KHDRBS2: variants seen among roughly 807,000 people sequenced by gnomAD.
KHDRBS2 encodes the protein KH RNA binding domain containing, signal transduction associated 2.
A neutral mutation model predicts 44.3 loss-of-function variants in KHDRBS2; 26 were observed. That is an observed-to-expected ratio of 0.59 (90% CI 0.43 to 0.81). The LOEUF (loss-of-function observed/expected upper bound fraction) is 0.81. Among genes scored for constraint, KHDRBS2 ranks in the 40% least tolerant of loss-of-function variants. The pLI is 0.00. For synonymous variants in KHDRBS2, 194 were observed against 151.1 expected, an observed-to-expected ratio of 1.28 and a Z score of -2.08; for missense variants, 476 against 433.1, an observed-to-expected ratio of 1.10 and a Z score of -0.88.
At chr6:61,777,709 G>A (rs1390124590) in intron 6 of KHDRBS2, among the ~76,000 whole-genome samples, 3 of 152,096 alleles carry the variant, frequency 2.0e-5, no homozygotes, top group Non-Finnish European at 2.9e-5. Flanking sequence ...ACCTTCCTTA[G>A]TTTGGGAAAG....
At chr6:61,888,561 C>CTT (rs139822708) in intron 6 of KHDRBS2, among the ~76,000 whole-genome samples, 3 of 110,942 alleles carry the variant, frequency 2.7e-5, no homozygotes, top group South Asian at 3.0e-4. Context: ...TTTCTAATTC[C>CTT]TTTTTTTTTT....
chr6:61,642,506 A>AG, the KHDRBS2 span, among the ~76,000 whole-genome samples: 6 of 150,606 alleles, frequency 4.0e-5, no homozygotes, highest in Admixed American at 2.7e-4. Flanking sequence ...AAAAAAAAAA[A>AG]AAAAGGTTAG....
intron 2 of KHDRBS2, among the ~76,000 whole-genome samples, chr6:62,099,064 C>A (rs146186554): frequency 1.3e-5 from 2 of 152,232 alleles, no homozygotes; most frequent in African/African-American, 4.8e-5. Context: ...TCTTAAGGTT[C>A]ATTGAGTTTC....
chr6:61,641,907 G>A, the KHDRBS2 span, among the ~76,000 whole-genome samples: 1 of 152,206 alleles, frequency 6.6e-6, no homozygotes, highest in African/African-American at 2.4e-5. Flanking sequence ...TTAGGGCAGT[G>A]CTGGAAATTG....
At chr6:62,149,827 C>T (rs1814721339) in intron 2 of KHDRBS2, among the ~76,000 whole-genome samples, 1 of 152,148 alleles carries the variant, frequency 6.6e-6, no homozygotes, top group Non-Finnish European at 1.5e-5. Flanking sequence ...CTATCTTTCA[C>T]CAGCATTTCA....
intron 3 of KHDRBS2, among the ~76,000 whole-genome samples, chr6:62,031,358 C>T (rs1784306808): frequency 6.6e-6 from 1 of 152,032 alleles, no homozygotes; most frequent in African/African-American, 2.4e-5. Flanking sequence ...AATTCTTCCA[C>T]TTAAAAAAAG....
At chr6:62,240,710 ATATATAT>A (rs1834520676) in intron 1 of KHDRBS2, among the ~76,000 whole-genome samples, 3 of 136,850 alleles carry the variant, frequency 2.2e-5, no homozygotes, top group African/African-American at 5.6e-5. Context: ...ATATATATAT[ATATATAT>A]AAACATGAGT....
intron 4 of KHDRBS2, 55 bp downstream of exon 4, chr6:61,978,011 A>AT: frequency 7.0e-7 from 1 of 1,433,692 alleles, no homozygotes; most frequent in Non-Finnish European, 9.5e-7. Flanking sequence ...TCAAAGGTGC[A>AT]TTTTAAAATA....
chr6:62,042,590 A>G (rs1179938320), intron 3 of KHDRBS2, among the ~76,000 whole-genome samples: 1 of 152,096 alleles, frequency 6.6e-6, no homozygotes, highest in Non-Finnish European at 1.5e-5. Context: ...TTGAGAGACT[A>G]TTATGCTGTT....
At chr6:61,743,373 G>T (rs1165172882) in intron 6 of KHDRBS2, among the ~76,000 whole-genome samples, 1 of 151,982 alleles carries the variant, frequency 6.6e-6, no homozygotes, top group Non-Finnish European at 1.5e-5. Flanking sequence ...AAGTGTCTTG[G>T]CTACAATGTA....
intron 2 of KHDRBS2, among the ~76,000 whole-genome samples, chr6:62,135,371 C>T (rs1372443900): frequency 6.6e-6 from 1 of 152,194 alleles, no homozygotes; most frequent in African/African-American, 2.4e-5. Flanking sequence ...CATTAAACCT[C>T]TTTTCCTTTA....
chr6:61,717,234 G>A (rs149997718), intron 7 of KHDRBS2, among the ~76,000 whole-genome samples: 245 of 151,954 alleles, frequency 1.6e-3, no homozygotes, highest in African/African-American at 5.5e-3. Flanking sequence ...ATTAAAAATC[G>A]ACAAATACAA....
chr6:61,660,222 G>A, the KHDRBS2 span, among the ~76,000 whole-genome samples: 1 of 151,760 alleles, frequency 6.6e-6, no homozygotes. Context: ...GAGAATTTAC[G>A]TGGAACTCTG....
chr6:61,580,589 T>G, the KHDRBS2 span, among the ~76,000 whole-genome samples: 3 of 151,976 alleles, frequency 2.0e-5, no homozygotes, highest in African/African-American at 7.3e-5. Context: ...AGGGTGAGAG[T>G]CTGTGGCTTC....
At chr6:61,986,829 G>A (rs1015253150) in intron 3 of KHDRBS2, among the ~76,000 whole-genome samples, 2 of 152,002 alleles carry the variant, frequency 1.3e-5, no homozygotes, top group Non-Finnish European at 2.9e-5. Context: ...TCCCACCATG[G>A]GGGACTCCAC....
intron 2 of KHDRBS2, among the ~76,000 whole-genome samples, chr6:62,155,759 A>G (rs537762621): frequency 2.0e-5 from 3 of 152,356 alleles, no homozygotes; most frequent in African/African-American, 4.8e-5. Flanking sequence ...AGCTATTCCC[A>G]TATCCGTTTT....
At chr6:61,778,404 T>C (rs1302532500) in intron 6 of KHDRBS2, among the ~76,000 whole-genome samples, 1 of 152,028 alleles carries the variant, frequency 6.6e-6, no homozygotes, top group African/African-American at 2.4e-5. Flanking sequence ...CTGAAGAAAC[T>C]TATAGAGGTG....
chr6:61,976,234 A>AT (rs1020909658), intron 4 of KHDRBS2, among the ~76,000 whole-genome samples: 2 of 152,174 alleles, frequency 1.3e-5, no homozygotes, highest in Non-Finnish European at 2.9e-5. Flanking sequence ...CAGTCAAACT[A>AT]TCAAGTAAAT....
chr6:61,815,233 A>G lies in KHDRBS2; in HGVS notation c.810+79402T>C, dbSNP rs572394078. On this transcript the variant is annotated intron_variant, in intron 6 of 8. Coordinates refer to ENST00000281156, the MANE Select transcript of KHDRBS2 (RefSeq NM_152688.4). Reference sequence around the variant, plus strand: ...GGCATATACAGCATGTATATGCTAGACGAAGGGATGATTCATGTCCCAGGA... The same window carrying G: ...GGCATATACAGCATGTATATGCTAGGCGAAGGGATGATTCATGTCCCAGGA... Among the ~76,000 whole-genome samples the G allele has an allele frequency of 2.0e-5, 3 of 152,226 alleles. No individual in the cohort carries two copies. The South Asian group carries it at 6.2e-4, about 32-fold the overall frequency.
Sources: gnomAD v4.1 joint callset for allele counts (sites outside exome capture counted in the v4.1 genomes callset) on GRCh38, gnomAD v4.1.1 for gene constraint, MANE v1.5 for transcripts, NCBI Gene and HGNC (gene_info 2026-07-23, HGNC 2026-07-21) for gene names.